Variants in ROBO1 observed in about 807,000 individuals in gnomAD.
ROBO1 encodes the protein roundabout homolog 1.
Under a neutral mutation model 195.9 loss-of-function variants are expected in ROBO1, and 149 were observed. The ratio of observed to expected loss-of-function variants is 0.76; its 90% CI spans 0.67 to 0.87. The LOEUF is 0.87. Among genes scored for constraint, ROBO1 ranks in the 40% least tolerant of loss-of-function variants. The pLI is 0.00. For missense variants in ROBO1, 1,933 were observed against 2,068.3 expected (o/e 0.93, Z 1.27); for synonymous variants, 816 against 733.2 (o/e 1.11, Z -1.82).
intron 3 of ROBO1, among the ~76,000 whole-genome samples, chr3:79,114,715 G>A (rs1171427399): frequency 6.6e-6 from 1 of 152,178 alleles, no homozygotes; most frequent in African/African-American, 2.4e-5. Flanking sequence ...TGAAAGACAA[G>A]TGGCTGCTTT....
chr3:78,800,853 C>A (rs1031876950), intron 4 of ROBO1, among the ~76,000 whole-genome samples: 10 of 152,086 alleles, frequency 6.6e-5, no homozygotes, highest in African/African-American at 1.7e-4. Flanking sequence ...CGTGAGCCAC[C>A]ACACCTGGCC....
At chr3:79,052,135 A>G (rs1011971211) in intron 3 of ROBO1, among the ~76,000 whole-genome samples, 1 of 152,092 alleles carries the variant, frequency 6.6e-6, no homozygotes, top group African/African-American at 2.4e-5. Flanking sequence ...AAGCGAATAG[A>G]AGAAATATCA....
chr3:78,930,675 A>C (rs533083492), intron 4 of ROBO1, among the ~76,000 whole-genome samples: 9 of 152,092 alleles, frequency 5.9e-5, no homozygotes, highest in Non-Finnish European at 8.8e-5. Context: ...TAACTCTCTA[A>C]AATTAAGCCA....
intron 25 of ROBO1, among the ~76,000 whole-genome samples, chr3:78,628,072 G>A (rs1236714024): frequency 6.6e-6 from 1 of 151,568 alleles, no homozygotes; most frequent in Non-Finnish European, 1.5e-5. Context: ...TTTTGGCTCA[G>A]CCTCCTGAGT....
chr3:79,109,364 G>A (rs1412927440), intron 3 of ROBO1, among the ~76,000 whole-genome samples: 1 of 151,838 alleles, frequency 6.6e-6, no homozygotes, highest in Non-Finnish European at 1.5e-5. Context: ...ATCTCAAGTT[G>A]TGAAATATTT....
chr3:78,629,652 C>A (rs906378), intron 25 of ROBO1, among the ~76,000 whole-genome samples: 111,755 of 151,090 alleles, frequency 0.74, 41,549 homozygotes, highest in Admixed American at 0.8. Flanking sequence ...AAAACAAAAC[C>A]AAACCAACCA....
chr3:79,412,158 T>A (rs1331891319), intron 2 of ROBO1, among the ~76,000 whole-genome samples: 1 of 152,134 alleles, frequency 6.6e-6, no homozygotes, highest in South Asian at 2.1e-4. Flanking sequence ...GTTTTTCCCA[T>A]AAATTTTTAA....
At chr3:79,318,925 G>C (rs568129801) in intron 2 of ROBO1, among the ~76,000 whole-genome samples, 1 of 152,060 alleles carries the variant, frequency 6.6e-6, no homozygotes, top group Admixed American at 6.6e-5. Flanking sequence ...AAATGAATTT[G>C]AATTATATGC....
intron 3 of ROBO1, among the ~76,000 whole-genome samples, chr3:79,058,132 C>A (rs960635929): frequency 2.0e-5 from 3 of 151,906 alleles, no homozygotes; most frequent in Non-Finnish European, 2.9e-5. Context: ...AAACCATGCC[C>A]TAAAAATTTT....
chr3:79,553,322 G>T (rs763393642), intron 2 of ROBO1, among the ~76,000 whole-genome samples: 13 of 151,960 alleles, frequency 8.6e-5, no homozygotes, highest in Non-Finnish European at 1.6e-4. Context: ...CACTTTCAAT[G>T]ATTCTGCTCT....
At chr3:78,635,395 C>T (rs1231932978) in intron 23 of ROBO1, among the ~76,000 whole-genome samples, 1 of 152,108 alleles carries the variant, frequency 6.6e-6, no homozygotes, top group African/African-American at 2.4e-5. Context: ...TATATAACCA[C>T]ATAGAAGCAA....
chr3:78,802,127 A>T (rs577263508), intron 4 of ROBO1, among the ~76,000 whole-genome samples: 5 of 152,298 alleles, frequency 3.3e-5, no homozygotes, highest in Admixed American at 1.3e-4. Context: ...TATACTAAGA[A>T]GAGATTTTGC....
chr3:78,717,150 T>A, intron 7 of ROBO1, 125 bp downstream of exon 7: 2 of 968,884 alleles, frequency 2.1e-6, no homozygotes, highest in Non-Finnish European at 2.9e-6. Flanking sequence ...TCTCCAGTAT[T>A]GTATCTGGCC....
chr3:79,629,664 G>C (rs1474927619), intron 1 of ROBO1, among the ~76,000 whole-genome samples: 4 of 151,716 alleles, frequency 2.6e-5, no homozygotes, highest in Admixed American at 2.6e-4. Context: ...AAATGAGATA[G>C]AGTCCAAAAA....
At chr3:79,508,772 CT>C (rs1940545576) in intron 2 of ROBO1, among the ~76,000 whole-genome samples, 1 of 152,128 alleles carries the variant, frequency 6.6e-6, no homozygotes, top group South Asian at 2.1e-4. Flanking sequence ...AAGTGACCTT[CT>C]TCTATTTAGC....
At chr3:79,136,631 A>G (rs1419980100) in intron 2 of ROBO1, among the ~76,000 whole-genome samples, 7 of 152,152 alleles carry the variant, frequency 4.6e-5, no homozygotes, top group Non-Finnish European at 1.5e-5. Flanking sequence ...GCAATGAATT[A>G]TAAAATCAAA....
At chr3:78,657,020 T>C in intron 18 of ROBO1, 78 bp downstream of exon 18, 5 of 1,382,806 alleles carry the variant, frequency 3.6e-6, no homozygotes, top group Non-Finnish European at 4.8e-6. Flanking sequence ...GGTGGGTGGC[T>C]CAGCCACATG....
intron 1 of ROBO1, among the ~76,000 whole-genome samples, chr3:79,645,717 A>G (rs1945801449): frequency 6.6e-6 from 1 of 152,090 alleles, no homozygotes; most frequent in Non-Finnish European, 1.5e-5. Flanking sequence ...CCTGACTCCA[A>G]AATATGCCAC....
chr3:78,895,778 T>G (rs907019787), intron 4 of ROBO1, among the ~76,000 whole-genome samples: 1 of 152,188 alleles, frequency 6.6e-6, no homozygotes, highest in African/African-American at 2.4e-5. Context: ...AAAGCCATTT[T>G]TAGAAGTAAC....
Sources: gnomAD v4.1 joint callset for allele counts (sites outside exome capture counted in the v4.1 genomes callset) on GRCh38, gnomAD v4.1.1 for gene constraint, MANE v1.5 for transcripts, NCBI Gene and HGNC (gene_info 2026-07-23, HGNC 2026-07-21) for gene names.